ITGA9: variants seen among roughly 807,000 people sequenced by gnomAD.
ITGA9 encodes the protein integrin subunit alpha 9.
ITGA9 carries 56 observed loss-of-function variants against 127.8 expected under a neutral mutation model. That is an observed-to-expected ratio of 0.44 (90% CI 0.35 to 0.55). The LOEUF (loss-of-function observed/expected upper bound fraction) is 0.55, where lower values mean the gene tolerates loss of function less well. Among genes scored for constraint, ITGA9 ranks in the 20% least tolerant of loss-of-function variants. ITGA9 has a pLI of 0.00. For synonymous variants in ITGA9, 508 were observed against 514.5 expected, an observed-to-expected ratio of 0.99 and a Z score of 0.17; for missense variants, 1,196 against 1,347.1, an observed-to-expected ratio of 0.89 and a Z score of 1.76.
At position 37,452,822 on chromosome 3, in the gene ITGA9, G is replaced by A. The variant is rs115135449; in HGVS notation, c.185+263G>A. On this transcript the variant is annotated intron_variant, in intron 1 of 27. Coordinates refer to ENST00000264741, the MANE Select transcript of ITGA9 (RefSeq NM_002207.3). The surrounding 1 kb of genome is among the most constrained non-coding windows in gnomAD (Gnocchi z 7.3). ...CCCTGGGGTCCCAGCCCAGAGCGTG[G>A]GGGGAGAGCCGCTAGAGTTGTCTCC... is the stretch of plus-strand genomic sequence containing the variant. Among the ~76,000 whole-genome samples, 472 of 152,258 alleles carry A rather than the reference G, an allele frequency of 3.1e-3. 3 individuals carry two copies. The highest frequency in any genetic ancestry group is 0.01 in the African/African-American group (427 of 41,566).
At chr3:37,574,733 C>T (rs531392001) in intron 15 of ITGA9, among the ~76,000 whole-genome samples, 1 of 152,290 alleles carries the variant, frequency 6.6e-6, no homozygotes, top group Admixed American at 6.5e-5. Context: ...CTTAAGGTCA[C>T]AGGCGCCACA....
chr3:37,686,888 C>T (rs1700787367), intron 18 of ITGA9, among the ~76,000 whole-genome samples: 1 of 152,116 alleles, frequency 6.6e-6, no homozygotes, highest in Non-Finnish European at 1.5e-5. Context: ...TGGCATCACC[C>T]AGCACCGGGT....
chr3:37,540,674 A>T (rs1419355211), intron 14 of ITGA9, among the ~76,000 whole-genome samples: 1 of 152,138 alleles, frequency 6.6e-6, no homozygotes, highest in Non-Finnish European at 1.5e-5. Flanking sequence ...TTAAAAAATG[A>T]AGGTTTTTGA....
chr3:37,778,405 G>A (rs1352214963), intron 24 of ITGA9, among the ~76,000 whole-genome samples: 1 of 152,082 alleles, frequency 6.6e-6, no homozygotes, highest in South Asian at 2.1e-4. Flanking sequence ...ATCACCTGAG[G>A]TCAGGAGTTT....
intron 25 of ITGA9, among the ~76,000 whole-genome samples, chr3:37,782,760 A>T (rs559837149): frequency 1.4e-4 from 21 of 152,342 alleles, no homozygotes; most frequent in Admixed American, 1.4e-3. Flanking sequence ...TTTGACCTCA[A>T]GATCTGGCCC....
At chr3:37,815,566 G>T (rs1007275632) in intron 27 of ITGA9, among the ~76,000 whole-genome samples, 4 of 150,262 alleles carry the variant, frequency 2.7e-5, no homozygotes, top group African/African-American at 7.4e-5. Flanking sequence ...CCGAGATGGC[G>T]CCATTGCACT....
rs74413664 is a variant in ITGA9 at position 37,522,300 on chromosome 3, A to G, written c.1237-1221A>G. Among the ~76,000 whole-genome samples the G allele has an allele frequency of 9.2e-5, 14 of 152,312 alleles. No homozygotes were observed. In the East Asian group the frequency reaches 2.5e-3, roughly 27 times the overall value. ...CAGAAGATGGGACTTTTCTGATTCA[A>G]GAAGTTCAGTATCTTTGTGAGGAAC... On this transcript the variant is annotated intron_variant, in intron 11 of 27. Transcript: ENST00000264741.
At chr3:37,599,968 C>G (rs1303035138) in intron 15 of ITGA9, among the ~76,000 whole-genome samples, 1 of 152,046 alleles carries the variant, frequency 6.6e-6, no homozygotes, top group Non-Finnish European at 1.5e-5. Flanking sequence ...ATTCGTAAAG[C>G]AGTAAGGAAT....
At chr3:37,815,084 TGA>T (rs1697414541) in intron 27 of ITGA9, among the ~76,000 whole-genome samples, 1 of 152,194 alleles carries the variant, frequency 6.6e-6, no homozygotes, top group Admixed American at 6.5e-5. Context: ...ACCACTCCAC[TGA>T]GAGAAAGAAG....
At chr3:37,626,410 A>G (rs150222742) in intron 15 of ITGA9, among the ~76,000 whole-genome samples, 159 of 152,314 alleles carry the variant, frequency 1.0e-3, no homozygotes, top group African/African-American at 3.8e-3. Context: ...TTTTAATCCC[A>G]GCACTTTGGG....
rs1412546402 is a variant in ITGA9 at position 37,610,768 on chromosome 3, T to C, written c.1690-18419T>C. 2.0e-5 allele frequency among the ~76,000 whole-genome samples: 3 copies of C among 152,184 alleles called. No homozygotes were observed. The East Asian group carries it at 5.8e-4, about 29-fold the overall frequency. ...ATCCATCTGCCAGTATTTCCACCCT[T>C]TCCCGCAAAGAGGAGCTCAGTGTCT... On this transcript the variant is annotated intron_variant, in intron 15 of 27. Transcript: ENST00000264741.
intron 22 of ITGA9, chr3:37,748,388 T>C (rs965606290): frequency 1.7e-6 from 1 of 601,962 alleles, no homozygotes; most frequent in South Asian, 1.5e-5. Flanking sequence ...AATGTACGTA[T>C]TGAGCACATT....
chr3:37,744,652 G>A (rs960309976), intron 22 of ITGA9, among the ~76,000 whole-genome samples: 3 of 152,222 alleles, frequency 2.0e-5, no homozygotes, highest in Non-Finnish European at 4.4e-5. Flanking sequence ...TCTTCTCTTA[G>A]TTGGGGGTCA....
In ITGA9 at chr3:37,802,648, CCAA is replaced by C. The variant is rs1445087471; in HGVS notation, c.2890-1174_2890-1172del. Among the ~76,000 whole-genome samples the C allele has an allele frequency of 3.3e-4, 50 of 152,192 alleles. 1 individual carries two copies. Among genetic ancestry groups the C allele is most frequent in the Admixed American group, 1.4e-3 (22 of 15,288 alleles). On this transcript the variant is annotated intron_variant, in intron 26 of 27. Transcript: ENST00000264741. ...AATAGATGCTTTGAATTCTGCAAAACCAAACTCCCCTGTGACCAGTGGGGATAA... is the reference window on the plus strand; with the variant it reads ...AATAGATGCTTTGAATTCTGCAAAACACTCCCCTGTGACCAGTGGGGATAA...
chr3:37,753,384 G>A (rs1482996599), intron 23 of ITGA9, among the ~76,000 whole-genome samples: 1 of 152,176 alleles, frequency 6.6e-6, no homozygotes, highest in Non-Finnish European at 1.5e-5. Context: ...GGCATGCCCA[G>A]ACCCCAGGAT....
chr3:37,809,258 G>A (rs1186012525), intron 27 of ITGA9, among the ~76,000 whole-genome samples: 1 of 151,872 alleles, frequency 6.6e-6, no homozygotes, highest in Non-Finnish European at 1.5e-5. Context: ...GCTAAGTTTT[G>A]TATTTTTTGT....
At chr3:37,665,637 T>G (rs1575185374) in intron 17 of ITGA9, among the ~76,000 whole-genome samples, 2 of 152,010 alleles carry the variant, frequency 1.3e-5, no homozygotes, top group Admixed American at 1.3e-4. Flanking sequence ...TATTTTTTAG[T>G]AGAGATGGGG....
chr3:37,569,743 T>A (rs1699582692), intron 15 of ITGA9, among the ~76,000 whole-genome samples: 1 of 152,210 alleles, frequency 6.6e-6, no homozygotes, highest in South Asian at 2.1e-4. Flanking sequence ...AGTTAAAACT[T>A]TTATTTCATG....
At chr3:37,559,481 G>A (rs1028334522) in intron 15 of ITGA9, among the ~76,000 whole-genome samples, 1 of 152,186 alleles carries the variant, frequency 6.6e-6, no homozygotes, top group African/African-American at 2.4e-5. Context: ...ATACGCAAAT[G>A]CATCAGAAGA....
Sources: gnomAD v4.1 joint callset for allele counts (sites outside exome capture counted in the v4.1 genomes callset) on GRCh38, gnomAD v4.1.1 for gene constraint, Gnocchi (gnomAD v3.1) non-coding constraint, MANE v1.5 for transcripts, NCBI Gene and HGNC (gene_info 2026-07-23, HGNC 2026-07-21) for gene names.